PLA2G2C: variants seen among roughly 807,000 people sequenced by gnomAD.
PLA2G2C encodes the protein phospholipase A2 group IIC.
A neutral mutation model predicts 14.3 loss-of-function variants in PLA2G2C; 15 were observed. That is an observed-to-expected ratio of 1.05 (90% CI 0.70 to 1.62). The LOEUF is 1.62. Among genes scored for constraint, PLA2G2C ranks in the 40% most tolerant of loss-of-function variants. The pLI, the probability that PLA2G2C is intolerant of heterozygous loss-of-function variation, is 0.00. For synonymous variants in PLA2G2C, 79 were observed against 67.7 expected, an observed-to-expected ratio of 1.17 and a Z score of -0.82; for missense variants, 162 against 173.2, an observed-to-expected ratio of 0.94 and a Z score of 0.36.
chr1:20,178,208 T>C (rs934883702), intron 1 of PLA2G2C, among the ~76,000 whole-genome samples: 2 of 152,200 alleles, frequency 1.3e-5, no homozygotes, highest in Non-Finnish European at 1.5e-5. Flanking sequence ...TAGAGAAGAA[T>C]GTGGGTTGCA....
At chr1:20,184,197 G>GCA (rs5772887) in intron 1 of PLA2G2C, 10,897 of 149,416 alleles carry the variant, frequency 0.073, 403 homozygotes, top group Middle Eastern at 0.14. Context: ...GTGCGCACAC[G>GCA]CACACACACA....
intron 1 of PLA2G2C, among the ~76,000 whole-genome samples, chr1:20,183,203 T>TGCTC (rs2018301676): frequency 6.6e-6 from 1 of 152,218 alleles, no homozygotes; most frequent in Non-Finnish European, 1.5e-5. Flanking sequence ...AATCCTGTGC[T>TGCTC]TATCATCACC....
chr1:20,177,234 T>A, intron 2 of PLA2G2C, 90 bp downstream of exon 2: 1 of 699,120 alleles, frequency 1.4e-6, no homozygotes, highest in Non-Finnish European at 2.6e-6. Context: ...GTGACTTCCC[T>A]CACCTGGTGC....
intron 2 of PLA2G2C, among the ~76,000 whole-genome samples, chr1:20,176,110 C>A (rs962393923): frequency 2.0e-5 from 3 of 151,940 alleles, no homozygotes; most frequent in African/African-American, 7.3e-5. Flanking sequence ...GGGGTTTCAC[C>A]ATCTTGGCCA....
At position 20,177,375 on chromosome 1, in the gene PLA2G2C, C is replaced by G; in HGVS notation, c.-12G>C. On this transcript the variant is annotated 5_prime_UTR_variant, in exon 2 of 5. Transcript: ENST00000679259. The stretch of plus-strand genomic sequence containing the variant: ...GCAATGACCTTCATTCCTGAGGAGA[C>G]CAGGGGGTCTGAGGTTCTACAGCCA... 1 of 694,588 alleles carries G rather than the reference C, an allele frequency of 1.4e-6. No homozygotes were observed. Among genetic ancestry groups the G allele is most frequent in the South Asian group, 1.5e-5 (1 of 66,430 alleles). 43.0% of individuals were successfully genotyped at this position (694,588 alleles called of 1,614,324 possible). A position where few individuals can be genotyped will look rare whatever the true frequency, so the allele number is the denominator to read the frequency against.
intron 4 of PLA2G2C, among the ~76,000 whole-genome samples, chr1:20,168,365 C>A (rs2018011441): frequency 6.6e-6 from 1 of 152,248 alleles, no homozygotes; most frequent in Non-Finnish European, 1.5e-5. Context: ...AGCCAGCAGA[C>A]CCCACACTGC....
intron 3 of PLA2G2C, among the ~76,000 whole-genome samples, chr1:20,173,522 C>A (rs2018126651): frequency 6.6e-6 from 1 of 152,160 alleles, no homozygotes; most frequent in Admixed American, 6.5e-5. Context: ...AGGACACAAA[C>A]CTAGGCCCAT....
intron 2 of PLA2G2C, among the ~76,000 whole-genome samples, chr1:20,176,372 A>G (rs1198361828): frequency 6.6e-6 from 1 of 152,212 alleles, no homozygotes; most frequent in African/African-American, 2.4e-5. Context: ...CCTTGTTGCT[A>G]TATACTCATT....
At chr1:20,167,097 A>T (rs1383475708) in intron 4 of PLA2G2C, among the ~76,000 whole-genome samples, 1 of 152,206 alleles carries the variant, frequency 6.6e-6, no homozygotes, top group African/African-American at 2.4e-5. Flanking sequence ...AGAGGCAGCA[A>T]GTCTGCATTC....
chr1:20,167,967 G>C (rs2018005187), intron 4 of PLA2G2C, among the ~76,000 whole-genome samples: 1 of 152,218 alleles, frequency 6.6e-6, no homozygotes, highest in African/African-American at 2.4e-5. Flanking sequence ...TAATGAATAT[G>C]CTGTGGTCTC....
intron 4 of PLA2G2C, 106 bp downstream of exon 4, chr1:20,172,688 A>G (rs745928605): frequency 8.9e-5 from 86 of 964,872 alleles, no homozygotes; most frequent in Non-Finnish European, 1.2e-4. Context: ...CCTTCCAAGC[A>G]CTTGGAAGCA....
intron 4 of PLA2G2C, among the ~76,000 whole-genome samples, chr1:20,166,316 GC>G (rs936709730): frequency 2.0e-5 from 3 of 152,074 alleles, no homozygotes; most frequent in African/African-American, 7.2e-5. Context: ...CTCCCTGCTC[GC>G]CCGCAGGGAA....
intron 2 of PLA2G2C, among the ~76,000 whole-genome samples, chr1:20,176,139 G>C (rs10916719): frequency 6.6e-6 from 1 of 151,824 alleles, no homozygotes; most frequent in African/African-American, 2.4e-5. Flanking sequence ...GGCTGGTCTC[G>C]AACTCCTGAC....
At chr1:20,184,498 G>A (rs2018332658) in intron 1 of PLA2G2C, 1 of 152,226 alleles carries the variant, frequency 6.6e-6, no homozygotes, top group South Asian at 2.1e-4. Context: ...GCAACCCAAA[G>A]AAGAGGCCTG....
intron 1 of PLA2G2C, among the ~76,000 whole-genome samples, chr1:20,179,512 TGTCA>T (rs2018243358): frequency 6.7e-6 from 1 of 149,998 alleles, no homozygotes; most frequent in African/African-American, 2.5e-5. Flanking sequence ...TCTCCCTCTA[TGTCA>T]GTTTCTGTGT....
intron 1 of PLA2G2C, among the ~76,000 whole-genome samples, chr1:20,183,991 T>C (rs986854361): frequency 1.3e-5 from 2 of 152,206 alleles, no homozygotes; most frequent in Non-Finnish European, 2.9e-5. Flanking sequence ...ATCCTCTTTA[T>C]AGAAGGTCGG....
chr1:20,171,510 T>G (rs760708155), intron 4 of PLA2G2C, among the ~76,000 whole-genome samples: 3 of 152,054 alleles, frequency 2.0e-5, no homozygotes, highest in Non-Finnish European at 4.4e-5. Context: ...TGAGCTGAAG[T>G]GGTGGGTTGG....
rs2018155259 is a variant in PLA2G2C, at chr1:20,175,025, G to T, written c.161C>A (p.Pro54His). The T allele has an allele frequency of 1.2e-6, 2 of 1,613,586 alleles. No individual in the cohort carries two copies. Among genetic ancestry groups the T allele is most frequent in the South Asian group, 2.2e-5 (2 of 91,000 alleles). The change falls in exon 3 of 5, where the codon CCC becomes CAC. Residue 54 changes from proline to histidine, a missense_variant. Physicochemically the swap from Pro to His is moderately conservative, Grantham distance 77 (BLOSUM62 -2). Coordinates refer to ENST00000679259, the MANE Select transcript of PLA2G2C (RefSeq NM_001367969.2). ...CYCGLGDKGI[P>H]VDDTDRHSPS... ...CACCCACCTGTCAGTGTCATCCACG[G>T]GGATCCCTTTATCCCCAAGCCCACA...
Position 20,186,496 on chromosome 1 carries a change from C to T in PLA2G2C, c.-213G>A. The stretch of plus-strand genomic sequence containing the variant: ...GAGAAAAGGATGTCCCAGTCTCCGG[C>T]AGGGCAGAGACGAGAACCAGAGGGC... On this transcript the variant is annotated 5_prime_UTR_variant, in exon 1 of 5. Coordinates refer to ENST00000679259, the MANE Select transcript of PLA2G2C (RefSeq NM_001367969.2). 1 of 152,466 alleles carries T rather than the reference C, an allele frequency of 6.6e-6. No individual in the cohort carries two copies. Among genetic ancestry groups the T allele is most frequent in the East Asian group, 1.9e-4 (1 of 5,188 alleles). The allele number at this position is 152,466 out of a possible 1,614,324, so 9.4% of individuals were successfully genotyped here.
Sources: allele counts gnomAD v4.1 joint callset (sites outside exome capture counted in the v4.1 genomes callset), GRCh38; gene constraint gnomAD v4.1.1; transcripts MANE v1.5; gene names NCBI Gene and HGNC (gene_info 2026-07-23, HGNC 2026-07-21).